LAMA3: variants seen among roughly 807,000 people sequenced by gnomAD.
LAMA3 encodes laminin subunit alpha-3.
LAMA3 carries 281 observed loss-of-function variants against 402.0 expected under a neutral mutation model. The ratio of observed to expected loss-of-function variants is 0.70; its 90% CI spans 0.63 to 0.77. LAMA3 has a LOEUF of 0.77. Ranked by LOEUF, LAMA3 falls within the 30% of genes least tolerant of loss-of-function variation. The pLI is 0.00. For synonymous variants in LAMA3, 1,431 were observed against 1,558.4 expected, an observed-to-expected ratio of 0.92 and a Z score of 1.93; for missense variants, 3,840 against 4,215.5, an observed-to-expected ratio of 0.91 and a Z score of 2.47.
rs1163687327 is a variant in LAMA3 at position 23,912,879 on chromosome 18, G to T, written c.7327G>T (p.Asp2443Tyr). ...NMFVMYLGNKDASRDYIGMAV... is the reference protein window; with the variant it reads ...NMFVMYLGNKYASRDYIGMAV... The stretch of plus-strand genomic sequence containing the variant: ...GTTTGTGATGTACCTTGGAAATAAA[G>T]ATGTAAGTATTGCTTGGACATCTCT... Residue 2443 changes from aspartate (D) to tyrosine (Y), a missense_variant and splice_region_variant, in exon 56 of 75, where the codon GAT becomes TAT. By Grantham distance (160) the Asp-to-Tyr change is radical. Coordinates refer to ENST00000313654, the MANE Select transcript of LAMA3 (RefSeq NM_198129.4). The T allele has an allele frequency of 3.7e-6, 6 of 1,613,162 alleles. No homozygotes were observed. The highest frequency in any genetic ancestry group is 1.3e-5 in the African/African-American group (1 of 75,044).
chr18:23,699,064 A>G (rs1239968496), intron 1 of LAMA3, among the ~76,000 whole-genome samples: 1 of 150,186 alleles, frequency 6.7e-6, no homozygotes. Context: ...GAAAGAAAAG[A>G]AAAGAAGGAA....
chr18:23,751,059 G>A lies in LAMA3; in HGVS notation c.826G>A (p.Ala276Thr). 5.6e-6 allele frequency: 9 copies of A among 1,614,110 alleles called. No homozygotes were observed. Among genetic ancestry groups the A allele is most frequent in the Non-Finnish European group, 7.6e-6 (9 of 1,180,010 alleles). ...GCTTCTTGGACACCTCATCTCCAAA[G>A]CCCAGCGAGATCCAACTGTCACTCG... The part of the protein sequence containing the change: ...NTLLGHLISK[A>T]QRDPTVTRRY... Residue 276 changes from alanine to threonine, a missense_variant, in exon 5 of 75, where the codon GCC (alanine) becomes ACC (threonine). By Grantham distance (58) the Ala-to-Thr change is moderately conservative. Coordinates refer to ENST00000313654, the MANE Select transcript of LAMA3 (RefSeq NM_198129.4).
intron 4 of LAMA3, among the ~76,000 whole-genome samples, chr18:23,750,432 G>GTTTT (rs66582854): frequency 3.0e-5 from 1 of 33,028 alleles, no homozygotes; most frequent in Non-Finnish European, 5.0e-5. Flanking sequence ...GGTTTACACA[G>GTTTT]TTTTTTTTTT....
intron 2 of LAMA3, among the ~76,000 whole-genome samples, chr18:23,723,711 C>T (rs1037851675): frequency 6.6e-6 from 1 of 151,768 alleles, no homozygotes; most frequent in Non-Finnish European, 1.5e-5. Flanking sequence ...GATGGTCTAA[C>T]GAATGTCTCG....
chr18:23,739,638 C>A (rs568546688), intron 2 of LAMA3, among the ~76,000 whole-genome samples: 2 of 152,056 alleles, frequency 1.3e-5, no homozygotes, highest in Non-Finnish European at 2.9e-5. Flanking sequence ...TGAGTGCAGA[C>A]CAGAAATGTT....
chr18:23,943,482 A>G (rs571977269), intron 68 of LAMA3, among the ~76,000 whole-genome samples: 2 of 152,364 alleles, frequency 1.3e-5, no homozygotes, highest in East Asian at 3.9e-4. Context: ...TGGACTTTTT[A>G]TAAAAGATTC....
intron 2 of LAMA3, among the ~76,000 whole-genome samples, chr18:23,720,253 C>G (rs887309261): frequency 6.6e-6 from 1 of 152,086 alleles, no homozygotes; most frequent in African/African-American, 2.4e-5. Context: ...ACTTGAGTCT[C>G]TCTGCAACAT....
chr18:23,826,028 G>C (rs2063375773), intron 21 of LAMA3, among the ~76,000 whole-genome samples: 1 of 152,126 alleles, frequency 6.6e-6, no homozygotes, highest in South Asian at 2.1e-4. Flanking sequence ...AAGCTTTGTG[G>C]TCTGTGTATG....
rs562179990 is a variant in LAMA3 at position 23,878,986 on chromosome 18, C to G, written c.5112+2579C>G. The stretch of plus-strand genomic sequence containing the variant: ...TCTCCCCATATTTTCTCCTCTCCCC[C>G]CAATTCCCCTTCCTCTCTACTATCC... On this transcript the variant is annotated intron_variant, in intron 39 of 74. Transcript: ENST00000313654. 2.6e-5 allele frequency among the ~76,000 whole-genome samples: 4 copies of G among 152,018 alleles called. No individual in the cohort carries two copies. The South Asian group carries it at 8.3e-4, about 32-fold the overall frequency.
intron 2 of LAMA3, among the ~76,000 whole-genome samples, chr18:23,736,285 A>G (rs1260476720): frequency 1.4e-5 from 2 of 146,658 alleles, no homozygotes; most frequent in Non-Finnish European, 3.0e-5. Flanking sequence ...TATCACATCT[A>G]GTTTGACGTC....
At position 23,901,133 on chromosome 18, in the gene LAMA3, A is replaced by G; in HGVS notation, c.6011A>G (p.Asn2004Ser). Residue 2004 changes from asparagine (N) to serine (S), a missense_variant, in exon 48 of 75, where the codon AAC (asparagine) becomes AGC (serine). Asn to Ser is a conservative substitution (Grantham distance 46). This residue lies in a region of LAMA3 where 891 missense variants were observed against 857.5 expected (regional missense o/e 1.04). Transcript: ENST00000313654. ...ADKRESQLLL[N>S]RIRTWQKTHQ... ...ATGAGGTGATGTATTACAGTGCTGA[A>G]CCGGATAAGGACCTGGCAGAAAACC... is the stretch of plus-strand genomic sequence containing the variant. 6.2e-7 allele frequency: 1 copy of G among 1,613,972 alleles called. No individual in the cohort carries two copies. Among genetic ancestry groups the G allele is most frequent in the Non-Finnish European group, 8.5e-7 (1 of 1,179,882 alleles).
intron 67 of LAMA3, among the ~76,000 whole-genome samples, chr18:23,935,940 G>A (rs936296060): frequency 5.9e-5 from 9 of 151,798 alleles, no homozygotes; most frequent in African/African-American, 2.2e-4. Flanking sequence ...GAATATTGTT[G>A]CTGCCCAAGC....
chr18:23,839,803 G>A lies in LAMA3; in HGVS notation c.3210G>A (p.Leu1070=). 1 of 1,614,048 alleles carries A rather than the reference G, an allele frequency of 6.2e-7. No individual in the cohort carries two copies. Among genetic ancestry groups the A allele is most frequent in the Non-Finnish European group, 8.5e-7 (1 of 1,179,982 alleles). ...TTTTCAGTGCCACCTGTGTCTCCTT[G>A]GCCCATGAAACTCCTCCAACAGCAT... is the stretch of plus-strand genomic sequence containing the variant. ...FVNQSATCVS[L]AHETPPTALI... Residue 1070 remains leucine (L), a synonymous_variant, in exon 27 of 75, where the codon TTG becomes TTA. Coordinates refer to ENST00000313654, the MANE Select transcript of LAMA3 (RefSeq NM_198129.4). The surrounding 1 kb of genome is among the most constrained non-coding windows in gnomAD (Gnocchi z 4.5).
intron 55 of LAMA3, among the ~76,000 whole-genome samples, chr18:23,911,559 A>G (rs973207592): frequency 1.5e-4 from 22 of 151,658 alleles, no homozygotes; most frequent in African/African-American, 5.1e-4. Flanking sequence ...TTAAATTTGA[A>G]TATGTTTTAC....
chr18:23,837,449 T>G (rs2063605566), intron 25 of LAMA3: 1 of 222,816 alleles, frequency 4.5e-6, no homozygotes, highest in Non-Finnish European at 9.0e-6. Flanking sequence ...CTTTTCCATC[T>G]TACTATTTTA....
At chr18:23,779,038 G>A (rs1386181533) in intron 11 of LAMA3, among the ~76,000 whole-genome samples, 1 of 152,146 alleles carries the variant, frequency 6.6e-6, no homozygotes, top group Non-Finnish European at 1.5e-5. Context: ...CCTGGGGCAG[G>A]GGCAGCCCTG....
At chr18:23,871,243 G>A (rs2064508267) in intron 37 of LAMA3, among the ~76,000 whole-genome samples, 188 bp from the exon 38 acceptor site, 1 of 152,048 alleles carries the variant, frequency 6.6e-6, no homozygotes, top group Non-Finnish European at 1.5e-5. Flanking sequence ...TCCTTCATGG[G>A]AATAACCCAG....
At chr18:23,844,800 A>G (rs1223579234) in intron 29 of LAMA3, among the ~76,000 whole-genome samples, 1 of 152,212 alleles carries the variant, frequency 6.6e-6, no homozygotes, top group African/African-American at 2.4e-5. Context: ...GAGCATCCCT[A>G]ATTCAAAAAT....
chr18:23,888,543 T>TG (rs1308673565), intron 41 of LAMA3, among the ~76,000 whole-genome samples: 4 of 152,014 alleles, frequency 2.6e-5, no homozygotes, highest in African/African-American at 7.2e-5. Context: ...ATGGGGGCTG[T>TG]GGGGGGGACC....
Sources: allele counts gnomAD v4.1 joint callset (sites outside exome capture counted in the v4.1 genomes callset), GRCh38; gene constraint gnomAD v4.1.1; regional missense constraint gnomAD v4.1.1; non-coding constraint Gnocchi (gnomAD v3.1); transcripts MANE v1.5; gene names NCBI Gene and HGNC (gene_info 2026-07-23, HGNC 2026-07-21).